TMEM245: variants seen among roughly 807,000 people sequenced by gnomAD.
TMEM245 encodes protein CG-2.
Under a neutral mutation model 101.2 loss-of-function variants are expected in TMEM245, and 69 were observed. The observed-to-expected ratio is 0.68, with a 90% CI of 0.56 to 0.83. The LOEUF (loss-of-function observed/expected upper bound fraction) is 0.83. Among genes scored for constraint, TMEM245 ranks in the 40% least tolerant of loss-of-function variants. The pLI, the probability that TMEM245 is intolerant of heterozygous loss-of-function variation, is 0.00. For synonymous variants in TMEM245, 537 were observed against 449.8 expected (o/e 1.19, Z -2.45); for missense variants, 1,075 against 1,092.8 (o/e 0.98, Z 0.23).
chr9:109,029,678 G>T (rs1827891583), intron 17 of TMEM245, among the ~76,000 whole-genome samples: 1 of 152,150 alleles, frequency 6.6e-6, no homozygotes, highest in African/African-American at 2.4e-5. Flanking sequence ...ATTATATAGG[G>T]TATAAGAAAT....
intron 10 of TMEM245, 65 bp from the exon 11 acceptor site, chr9:109,060,517 A>G: frequency 9.2e-7 from 1 of 1,084,052 alleles, no homozygotes; most frequent in Non-Finnish European, 1.4e-6. Flanking sequence ...AAATTAATAT[A>G]TGCTGGGTAT....
At position 109,050,561 on chromosome 9, in the gene TMEM245, T is replaced by C. The variant is rs779132338; in HGVS notation, c.1977+9A>G. 1.9e-6 allele frequency: 3 copies of C among 1,613,946 alleles called. No homozygotes were observed. The highest frequency in any genetic ancestry group is 1.7e-5 in the Admixed American group (1 of 59,980). Reference sequence around the variant, plus strand: ...GAAATATGACGTGTACTTATCTATGTGGACGTACCAGAGAGAGTACAAAAT... The same window carrying C: ...GAAATATGACGTGTACTTATCTATGCGGACGTACCAGAGAGAGTACAAAAT... On this transcript the variant is annotated intron_variant, in intron 13 of 17. Transcript: ENST00000374586.
intron 17 of TMEM245, among the ~76,000 whole-genome samples, chr9:109,023,174 C>T (rs2132272532): frequency 6.6e-6 from 1 of 152,302 alleles, no homozygotes; most frequent in South Asian, 2.1e-4. Context: ...AGTCTTTCAT[C>T]TCAATGTTCT....
chr9:109,111,116 G>C (rs946673267), intron 1 of TMEM245, among the ~76,000 whole-genome samples: 1 of 152,128 alleles, frequency 6.6e-6, no homozygotes, highest in Non-Finnish European at 1.5e-5. Flanking sequence ...GAAATATCAA[G>C]ATTTTGTAGC....
chr9:109,063,034 C>A (rs1275954337), intron 10 of TMEM245, among the ~76,000 whole-genome samples: 2 of 152,172 alleles, frequency 1.3e-5, no homozygotes, highest in South Asian at 2.1e-4. Context: ...GCCTGATATG[C>A]CTCTGCATAT....
intron 3 of TMEM245, among the ~76,000 whole-genome samples, chr9:109,098,213 A>G (rs1306468866): frequency 6.6e-6 from 1 of 152,206 alleles, no homozygotes; most frequent in Non-Finnish European, 1.5e-5. Context: ...AAACCCAATC[A>G]ATTAAATCTT....
intron 11 of TMEM245, among the ~76,000 whole-genome samples, chr9:109,057,834 C>A (rs1828885652): frequency 6.6e-6 from 1 of 151,728 alleles, no homozygotes; most frequent in Non-Finnish European, 1.5e-5. Context: ...GGTACCTTGT[C>A]TAAGTCTCGC....
intron 10 of TMEM245, among the ~76,000 whole-genome samples, chr9:109,062,305 G>A (rs993670717): frequency 2.6e-5 from 4 of 152,104 alleles, no homozygotes; most frequent in Admixed American, 6.5e-5. Flanking sequence ...CCGAAAATGA[G>A]CATTTTAATG....
At chr9:109,060,780 C>T (rs1398751613) in intron 10 of TMEM245, among the ~76,000 whole-genome samples, 1 of 152,142 alleles carries the variant, frequency 6.6e-6, no homozygotes, top group East Asian at 1.9e-4. Context: ...CCCTGTAATC[C>T]CAGTGACCTT....
intron 8 of TMEM245, among the ~76,000 whole-genome samples, chr9:109,074,929 G>C (rs901290632): frequency 1.3e-5 from 2 of 152,196 alleles, no homozygotes; most frequent in African/African-American, 2.4e-5. Flanking sequence ...CTGAAAAACA[G>C]CCAGAATGAA....
chr9:109,062,360 T>C (rs1372272046), intron 10 of TMEM245, among the ~76,000 whole-genome samples: 1 of 152,200 alleles, frequency 6.6e-6, no homozygotes, highest in African/African-American at 2.4e-5. Context: ...ATAAGAAATA[T>C]ACCAATTAAT....
chr9:109,098,477 G>C lies in TMEM245; in HGVS notation c.800-4886C>G, dbSNP rs1830198819. Among the ~76,000 whole-genome samples, 4 of 151,976 alleles carry C rather than the reference G, an allele frequency of 2.6e-5. No individual in the cohort carries two copies. The South Asian group carries it at 8.3e-4, about 32-fold the overall frequency. On this transcript the variant is annotated intron_variant, in intron 3 of 17. Transcript: ENST00000374586. ...CAAACTGCTTTTATCCAACAGATCT[G>C]TATTTTAATGACTTCTGTCTCAATG... is the stretch of plus-strand genomic sequence containing the variant.
At chr9:109,022,014 C>T (rs1037980955) in intron 17 of TMEM245, among the ~76,000 whole-genome samples, 2 of 152,152 alleles carry the variant, frequency 1.3e-5, no homozygotes, top group African/African-American at 4.8e-5. Flanking sequence ...CACAATCATG[C>T]CCCCTCCCTT....
At position 109,087,219 on chromosome 9, in the gene TMEM245, C is replaced by G. The variant is rs774042746; in HGVS notation, c.1274G>C (p.Trp425Ser). The G allele has an allele frequency of 3.1e-6, 5 of 1,612,934 alleles. No individual in the cohort carries two copies. The highest frequency in any genetic ancestry group is 3.4e-6 in the Non-Finnish European group (4 of 1,179,646). ...LKERQGALAP[W>S]PIVGLGKFLL... The stretch of plus-strand genomic sequence containing the variant: ...GAATTTTCCAAGCCCGACAATGGGC[C>G]AAGGCGCGAGAGCTCCCTGCCGCTC... The change falls in exon 6 of 18, where the codon TGG (tryptophan) becomes TCG (serine). Residue 425 changes from tryptophan (W) to serine (S), a missense_variant. Transcript: ENST00000374586.
intron 3 of TMEM245, among the ~76,000 whole-genome samples, chr9:109,100,902 C>T (rs1588075234): frequency 6.6e-6 from 1 of 152,178 alleles, no homozygotes; most frequent in African/African-American, 2.4e-5. Context: ...TTGGGAAATA[C>T]TATGTTAGAA....
chr9:109,104,026 A>G (rs893491634), intron 3 of TMEM245, among the ~76,000 whole-genome samples: 4 of 152,144 alleles, frequency 2.6e-5, no homozygotes, highest in African/African-American at 9.7e-5. Flanking sequence ...TGGAGGCTGC[A>G]GTGAGCTGAG....
intron 5 of TMEM245, among the ~76,000 whole-genome samples, chr9:109,088,881 T>C (rs998242248): frequency 2.5e-4 from 7 of 28,436 alleles, no homozygotes; most frequent in Non-Finnish European, 5.3e-4. Flanking sequence ...TTCCACTCAG[T>C]TTAACAGGAA....
At chr9:109,048,218 G>A (rs1005596416) in intron 14 of TMEM245, among the ~76,000 whole-genome samples, 4 of 152,048 alleles carry the variant, frequency 2.6e-5, no homozygotes, top group East Asian at 3.9e-4. Flanking sequence ...ACAGCCAATC[G>A]CGGAAACAAG....
In TMEM245 at chr9:109,057,326, T is replaced by C. The variant is rs370420489; in HGVS notation, c.1723-4A>G. ...GCCTTCCAGAGTGTGTTACATTCTA[T>C]GGAATAAAACAGTGCAGACATGAAA... On this transcript the variant is annotated splice_polypyrimidine_tract_variant and splice_region_variant and intron_variant, in intron 11 of 17. Transcript: ENST00000374586. 6 of 1,613,354 alleles carry C rather than the reference T, an allele frequency of 3.7e-6. No homozygotes were observed. The highest frequency in any genetic ancestry group is 4.2e-6 in the Non-Finnish European group (5 of 1,179,658).
Sources: allele counts gnomAD v4.1 joint callset (sites outside exome capture counted in the v4.1 genomes callset), GRCh38; gene constraint gnomAD v4.1.1; transcripts MANE v1.5; gene names NCBI Gene and HGNC (gene_info 2026-07-23, HGNC 2026-07-21).